Variants in RNF213 observed in about 807,000 individuals in gnomAD.
RNF213 encodes the protein ring finger protein 213.
RNF213 carries 341 observed loss-of-function variants against 514.4 expected under a neutral mutation model. The ratio of observed to expected loss-of-function variants is 0.66; its 90% CI spans 0.61 to 0.73. The LOEUF (loss-of-function observed/expected upper bound fraction) is 0.73, where lower values mean the gene tolerates loss of function less well. Among genes scored for constraint, RNF213 ranks in the 30% least tolerant of loss-of-function variants. RNF213 has a pLI of 0.00. For missense variants in RNF213, 5,767 were observed against 6,615.6 expected (o/e 0.87, Z 4.45); for synonymous variants, 2,655 against 2,658.2 (o/e 1.00, Z 0.04).
Position 80,262,232 on chromosome 17 carries a change from G to T in RNF213, c.-109+1330G>T, listed in dbSNP as rs544948064. Reference sequence around the variant, plus strand: ...GGGCTTGGCTGTGGCAGGGGTAGGGGAGTTTTAAACTCTCCTTCTACTCTG... The same window carrying T: ...GGGCTTGGCTGTGGCAGGGGTAGGGTAGTTTTAAACTCTCCTTCTACTCTG... On this transcript the variant is annotated intron_variant, in intron 1 of 67. Coordinates refer to ENST00000582970, the MANE Select transcript of RNF213 (RefSeq NM_001256071.3). Among the ~76,000 whole-genome samples the T allele has an allele frequency of 2.6e-5, 4 of 152,074 alleles. No homozygotes were observed. In the South Asian group the frequency reaches 8.3e-4, roughly 32 times the overall value.
Position 80,389,316 on chromosome 17 carries a change from G to A in RNF213, c.15144G>A (p.Val5048=). The stretch of plus-strand genomic sequence containing the variant: ...GGGATCCAAACATGCAGCTGAATGT[G>A]TATACTCAAGACATCCTGCAAATGG... The part of the protein sequence containing the change: ...AGGDPNMQLN[V]YTQDILQMGD... The change falls in exon 65 of 68, where the codon GTG becomes GTA. Residue 5048 remains valine, a synonymous_variant. Coordinates refer to ENST00000582970, the MANE Select transcript of RNF213 (RefSeq NM_001256071.3). 1 of 1,614,214 alleles carries A rather than the reference G, an allele frequency of 6.2e-7. No individual in the cohort carries two copies. The highest frequency in any genetic ancestry group is 2.2e-5 in the East Asian group (1 of 44,886).
rs765390552 is a variant in RNF213 at position 80,340,015 on chromosome 17, C to T, written c.5648C>T (p.Thr1883Ile). 4 of 1,541,754 alleles carry T rather than the reference C, an allele frequency of 2.6e-6. No individual in the cohort carries two copies. The highest frequency in any genetic ancestry group is 3.5e-6 in the Non-Finnish European group (4 of 1,148,360). ...EVALLLRRCL[T>I]LGSLGHKVYS... The stretch of plus-strand genomic sequence containing the variant: ...GCACTGTTGCTGCGCCGCTGCCTGA[C>T]CCTGGGCTCCCTGGGGCACAAGGTC... Residue 1883 changes from threonine (T) to isoleucine (I), a missense_variant, in exon 26 of 68, where the codon ACC (threonine) becomes ATC (isoleucine). Thr to Ile is a moderately conservative substitution (Grantham distance 89). Transcript: ENST00000582970.
Position 80,345,343 on chromosome 17 carries a change from G to C in RNF213, c.7008G>C (p.Leu2336Phe). The C allele has an allele frequency of 6.2e-7, 1 of 1,614,104 alleles. No homozygotes were observed. Among genetic ancestry groups the C allele is most frequent in the Non-Finnish European group, 8.5e-7 (1 of 1,180,040 alleles). ...GCAGTGTCGATGCCATCAGTCACTTGACTGGGAAGGTCATCAAGAGAGACG... is the reference window on the plus strand; with the variant it reads ...GCAGTGTCGATGCCATCAGTCACTTCACTGGGAAGGTCATCAAGAGAGACG... ...INGSVDAISH[L>F]TGKVIKRDVM... Residue 2336 changes from leucine to phenylalanine, a missense_variant, in exon 29 of 68, where the codon TTG (leucine) becomes TTC (phenylalanine). Physicochemically the swap from Leu to Phe is conservative, Grantham distance 22. Transcript: ENST00000582970. This position sits in a 1 kb window ranked among gnomAD's most constrained non-coding sequence, Gnocchi z 6.0.
chr17:80,330,044 T>G (rs1404866474), intron 20 of RNF213, among the ~76,000 whole-genome samples: 1 of 152,230 alleles, frequency 6.6e-6, no homozygotes, highest in East Asian at 1.9e-4. Context: ...TGTTTTTTGC[T>G]CTGCTCTTGA....
rs562383740 is a variant in RNF213 at position 80,398,006 on chromosome 17, C to T, written c.*4508C>T. 93 of 150,738 alleles carry T rather than the reference C, an allele frequency of 6.2e-4. No individual in the cohort carries two copies. The highest frequency in any genetic ancestry group is 2.2e-3 in the African/African-American group (91 of 41,038). 9.3% of individuals were successfully genotyped at this position (150,738 alleles called of 1,614,324 possible). A position where few individuals can be genotyped will look rare whatever the true frequency, so the allele number is the denominator to read the frequency against. On this transcript the variant is annotated 3_prime_UTR_variant, in exon 68 of 68. Coordinates refer to ENST00000582970, the MANE Select transcript of RNF213 (RefSeq NM_001256071.3). ...GAGGATCAACGCAGTGGCTGAACAC[C>T]GGGAAGGAACTGCCACTTGGAGTCC...
chr17:80,349,732 G>A, intron 29 of RNF213, 38 bp from the exon 30 acceptor site: 1 of 1,612,620 alleles, frequency 6.2e-7, no homozygotes, highest in Non-Finnish European at 8.5e-7. Context: ...ACCTTTCCTT[G>A]AAGTCTGGCA....
At chr17:80,381,217 T>C (rs1211063730) in intron 56 of RNF213, 1 of 617,634 alleles carries the variant, frequency 1.6e-6, no homozygotes, top group Non-Finnish European at 2.9e-6. Context: ...TAACACTCTG[T>C]GTCTCTGGTC....
In RNF213 at chr17:80,288,172, G is replaced by A. The variant is rs1340142018; in HGVS notation, c.619G>A (p.Ala207Thr). The stretch of plus-strand genomic sequence containing the variant: ...CCACACGGAAGGGGAGGACCAGGAC[G>A]CTTCCATCCCCTCTGGGGGCAGAGG... ...QDHTEGEDQD[A>T]SIPSGGRGLS... The change falls in exon 4 of 68, where the codon GCT (alanine) becomes ACT (threonine). Residue 207 changes from alanine (A) to threonine (T), a missense_variant. Transcript: ENST00000582970. The surrounding 1 kb of genome is among the most constrained non-coding windows in gnomAD (Gnocchi z 4.9). 2 of 1,611,672 alleles carry A rather than the reference G, an allele frequency of 1.2e-6. No homozygotes were observed. Among genetic ancestry groups the A allele is most frequent in the South Asian group, 1.1e-5 (1 of 91,058 alleles).
intron 19 of RNF213, 107 bp from the exon 20 acceptor site, chr17:80,328,221 A>G (rs951158943): frequency 4.5e-6 from 6 of 1,319,396 alleles, no homozygotes; most frequent in Non-Finnish European, 6.1e-6. Flanking sequence ...AAACCATCCT[A>G]GTCCTTCTCC....
intron 2 of RNF213, among the ~76,000 whole-genome samples, chr17:80,270,784 G>C (rs1361284945): frequency 6.6e-6 from 1 of 152,300 alleles, no homozygotes; most frequent in Middle Eastern, 3.4e-3. Flanking sequence ...CAAGAGAAAC[G>C]TGCTGGGTCA....
At position 80,353,007 on chromosome 17, in the gene RNF213, G is replaced by C; in HGVS notation, c.10371G>C (p.Arg3457Ser). Residue 3457 changes from arginine to serine, a missense_variant, in exon 33 of 68, where the codon AGG becomes AGC. By Grantham distance (110) the Arg-to-Ser change is moderately radical. This residue lies in a region of RNF213 where 919 missense variants were observed against 1,121.0 expected (regional missense o/e 0.82). Transcript: ENST00000582970. This position sits in a 1 kb window ranked among gnomAD's most constrained non-coding sequence, Gnocchi z 5.0. ...RSTLMVSDVT[R>S]LQHVTISQLF... ...CCCTCATGGTTTCTGATGTGACCAG[G>C]CTGCAGCATGTCACCATCAGCCAGC... 1 of 1,613,790 alleles carries C rather than the reference G, an allele frequency of 6.2e-7. No individual in the cohort carries two copies. Among genetic ancestry groups the C allele is most frequent in the Non-Finnish European group, 8.5e-7 (1 of 1,180,036 alleles).
rs1015246134 is a variant in RNF213 at position 80,392,223 on chromosome 17, T to C, written c.15471-1122T>C. 2.0e-5 allele frequency among the ~76,000 whole-genome samples: 3 copies of C among 152,256 alleles called. No homozygotes were observed. In the East Asian group the frequency reaches 5.8e-4, roughly 29 times the overall value. On this transcript the variant is annotated intron_variant, in intron 67 of 67. Coordinates refer to ENST00000582970, the MANE Select transcript of RNF213 (RefSeq NM_001256071.3). Reference sequence around the variant, plus strand: ...TCCTATTTGCTATCTTCCTCCATTATGCTATGTGGCATATACCATATACAT... The same window carrying C: ...TCCTATTTGCTATCTTCCTCCATTACGCTATGTGGCATATACCATATACAT...
chr17:80,349,679 C>A, intron 29 of RNF213, 91 bp from the exon 30 acceptor site: 3 of 1,387,320 alleles, frequency 2.2e-6, no homozygotes, highest in Non-Finnish European at 3.1e-6. Flanking sequence ...CGCTGAACAT[C>A]GCAGGTTTCT....
At chr17:80,364,917 T>A in intron 42 of RNF213, 1 of 330,680 alleles carries the variant, frequency 3.0e-6, no homozygotes. Context: ...TGTTACCATT[T>A]TCATAGTCAT....
intron 11 of RNF213, among the ~76,000 whole-genome samples, chr17:80,301,886 T>G (rs1355112209): frequency 1.3e-5 from 2 of 152,194 alleles, no homozygotes; most frequent in African/African-American, 2.4e-5. Context: ...ATCCTGAGTG[T>G]CCACCCGCAG....
chr17:80,380,742 C>A, intron 55 of RNF213, 89 bp from the exon 56 acceptor site: 1 of 1,451,924 alleles, frequency 6.9e-7, no homozygotes, highest in Non-Finnish European at 9.6e-7. Flanking sequence ...CTCTTCTCAG[C>A]CGTAAGCCTC....
intron 29 of RNF213, 133 bp downstream of exon 29, chr17:80,348,419 C>T: frequency 7.7e-7 from 1 of 1,291,572 alleles, no homozygotes; most frequent in South Asian, 1.2e-5. Flanking sequence ...GCTGAGCTCT[C>T]CTCCGCGGTA....
intron 6 of RNF213, among the ~76,000 whole-genome samples, chr17:80,290,340 T>C (rs990609655): frequency 1.3e-5 from 2 of 151,818 alleles, no homozygotes; most frequent in South Asian, 4.2e-4. Flanking sequence ...TGTGCGCACG[T>C]GTGTGCGTGT....
intron 8 of RNF213, among the ~76,000 whole-genome samples, chr17:80,294,455 C>T (rs757305285): frequency 9.2e-5 from 14 of 152,172 alleles, no homozygotes; most frequent in African/African-American, 1.4e-4. Flanking sequence ...GTCTCAGGCC[C>T]GCTGCATCCC....
Sources: gnomAD v4.1 joint callset for allele counts (sites outside exome capture counted in the v4.1 genomes callset) on GRCh38, gnomAD v4.1.1 for gene constraint, gnomAD v4.1.1 regional missense constraint, Gnocchi (gnomAD v3.1) non-coding constraint, MANE v1.5 for transcripts, NCBI Gene and HGNC (gene_info 2026-07-23, HGNC 2026-07-21) for gene names.